Variants in RNF169 observed in about 807,000 individuals in gnomAD.
RNF169 encodes the protein E3 ubiquitin-protein ligase RNF169.
Under a neutral mutation model 53.9 loss-of-function variants are expected in RNF169, and 24 were observed. That is an observed-to-expected ratio of 0.45 (90% CI 0.32 to 0.63). The LOEUF is 0.63. Ranked by LOEUF, RNF169 falls within the 20% of genes least tolerant of loss-of-function variation. RNF169 has a pLI of 0.04. For synonymous variants in RNF169, 396 were observed against 363.5 expected (o/e 1.09, Z -1.02); for missense variants, 883 against 906.2 (o/e 0.97, Z 0.33).
At chr11:74,802,505 C>T (rs369188552) in intron 2 of RNF169, among the ~76,000 whole-genome samples, 4 of 151,994 alleles carry the variant, frequency 2.6e-5, no homozygotes, top group Non-Finnish European at 4.4e-5. Context: ...TAGCCAGGCG[C>T]GATGGTGCAC....
intron 1 of RNF169, among the ~76,000 whole-genome samples, chr11:74,757,231 A>G (rs1591385389): frequency 7.9e-6 from 1 of 126,988 alleles, no homozygotes; most frequent in East Asian, 2.3e-4. Context: ...CCCACCTATG[A>G]GTGAGAATAT....
At chr11:74,791,922 C>T (rs192482794) in intron 2 of RNF169, among the ~76,000 whole-genome samples, 2 of 152,378 alleles carry the variant, frequency 1.3e-5, no homozygotes, top group African/African-American at 4.8e-5. Flanking sequence ...GTGCCTTTCC[C>T]ACTGCAGCTG....
intron 1 of RNF169, among the ~76,000 whole-genome samples, chr11:74,788,484 C>G (rs760021234): frequency 1.5e-4 from 23 of 152,148 alleles, no homozygotes; most frequent in Admixed American, 6.5e-5. Context: ...CTTCTGCCTC[C>G]TGGGTTCAAG....
chr11:74,836,608 G>T lies in RNF169; in HGVS notation c.2005G>T (p.Asp669Tyr). The T allele has an allele frequency of 6.2e-7, 1 of 1,614,116 alleles. No individual in the cohort carries two copies. The highest frequency in any genetic ancestry group is 1.3e-5 in the African/African-American group (1 of 75,046). ...MEQKLQQEEE[D>Y]RQLALQLQRM... ...GCAGAAGCTTCAGCAAGAGGAAGAAGACCGACAGTTGGCTCTGCAGTTGCA... is the reference window on the plus strand; with the variant it reads ...GCAGAAGCTTCAGCAAGAGGAAGAATACCGACAGTTGGCTCTGCAGTTGCA... Residue 669 changes from aspartate to tyrosine, a missense_variant, in exon 6 of 6, where the codon GAC becomes TAC. Physicochemically the swap from Asp to Tyr is radical, Grantham distance 160 (BLOSUM62 -3). Around this residue, in one of 3 missense-constraint regions of RNF169, gnomAD observed 351 missense variants for 337.3 expected, o/e 1.04. Coordinates refer to ENST00000299563, the MANE Select transcript of RNF169 (RefSeq NM_001098638.2).
At chr11:74,810,945 A>G (rs1327957187) in intron 3 of RNF169, among the ~76,000 whole-genome samples, 1 of 152,144 alleles carries the variant, frequency 6.6e-6, no homozygotes, top group African/African-American at 2.4e-5. Flanking sequence ...ATTGAGTTTT[A>G]TTTCTTTAGT....
At chr11:74,778,705 G>A (rs551049571) in intron 1 of RNF169, among the ~76,000 whole-genome samples, 5 of 152,254 alleles carry the variant, frequency 3.3e-5, no homozygotes, top group East Asian at 1.9e-4. Flanking sequence ...TCTAACAACC[G>A]CCACCTGGCA....
chr11:74,766,555 T>A (rs1431233161), intron 1 of RNF169, among the ~76,000 whole-genome samples: 1 of 152,236 alleles, frequency 6.6e-6, no homozygotes, highest in Non-Finnish European at 1.5e-5. Context: ...CTCTTAGATG[T>A]TAAAAATATT....
In RNF169 at chr11:74,841,736, AT is replaced by A. The variant is rs1330268527; in HGVS notation, c.*5009del. On this transcript the variant is annotated 3_prime_UTR_variant, in exon 6 of 6. Coordinates refer to ENST00000299563, the MANE Select transcript of RNF169 (RefSeq NM_001098638.2). ...GGTTTGTTCATCTTCCTTTCCTGTC[AT>A]TTAAGGTAAAACAGGCAATGAACTC... 1 of 152,214 alleles carries A rather than the reference AT, an allele frequency of 6.6e-6. No homozygotes were observed. The highest frequency in any genetic ancestry group is 1.5e-5 in the Non-Finnish European group (1 of 68,044). 9.4% of individuals were successfully genotyped at this position (152,214 alleles called of 1,614,324 possible). A position where few individuals can be genotyped will look rare whatever the true frequency, so the allele number is the denominator to read the frequency against.
intron 1 of RNF169, among the ~76,000 whole-genome samples, chr11:74,765,858 A>G (rs770668843): frequency 1.3e-5 from 2 of 151,972 alleles, no homozygotes; most frequent in African/African-American, 4.8e-5. Context: ...CAAGTGGTCA[A>G]CTGAAGAAGT....
chr11:74,775,358 TTTTG>T (rs2035318278), intron 1 of RNF169, among the ~76,000 whole-genome samples: 1 of 152,190 alleles, frequency 6.6e-6, no homozygotes. Context: ...TTTTTCTTTT[TTTTG>T]TTCTAGTCAA....
chr11:74,827,329 C>T (rs2036113618), intron 4 of RNF169, among the ~76,000 whole-genome samples: 1 of 152,192 alleles, frequency 6.6e-6, no homozygotes, highest in Non-Finnish European at 1.5e-5. Flanking sequence ...GCAGCAAGGC[C>T]CTGGGCCCAG....
intron 2 of RNF169, 128 bp downstream of exon 2, chr11:74,789,827 A>T: frequency 1.9e-6 from 1 of 518,588 alleles, no homozygotes; most frequent in East Asian, 3.0e-5. Flanking sequence ...ACACTGCCTT[A>T]TACCAGCCTA....
At chr11:74,776,694 T>G (rs1351861504) in intron 1 of RNF169, among the ~76,000 whole-genome samples, 2 of 152,148 alleles carry the variant, frequency 1.3e-5, no homozygotes, top group Non-Finnish European at 2.9e-5. Context: ...GAAGCTAATG[T>G]AATTCTCTCT....
At chr11:74,832,418 G>T (rs1337585783) in intron 4 of RNF169, 3 of 151,488 alleles carry the variant, frequency 2.0e-5, no homozygotes, top group African/African-American at 7.3e-5. Flanking sequence ...ACAGGTAGTT[G>T]TCATTTGTGT....
intron 3 of RNF169, 117 bp downstream of exon 3, chr11:74,810,447 G>GTTAC: frequency 8.5e-6 from 8 of 940,474 alleles, no homozygotes; most frequent in Non-Finnish European, 1.3e-5. Context: ...GTCAGTGACT[G>GTTAC]TGCAGCTTAA....
At chr11:74,752,323 A>G (rs548028676) in intron 1 of RNF169, among the ~76,000 whole-genome samples, 4 of 148,906 alleles carry the variant, frequency 2.7e-5, no homozygotes, top group Non-Finnish European at 5.9e-5. Context: ...TGGGCTGGGC[A>G]TGGTGGCTCA....
At chr11:74,831,756 A>G (rs2036181819) in intron 4 of RNF169, 1 of 152,134 alleles carries the variant, frequency 6.6e-6, no homozygotes, top group Non-Finnish European at 1.5e-5. Flanking sequence ...AACTTACTGC[A>G]AAGTATAGCA....
chr11:74,836,865 C>T lies in RNF169; in HGVS notation c.*135C>T, dbSNP rs1565190267. On this transcript the variant is annotated 3_prime_UTR_variant, in exon 6 of 6. Transcript: ENST00000299563. Reference sequence around the variant, plus strand: ...ATATGGTTCTGAGAGGTTCCAGGGCCTTTGTAGTCAATATCCAAGGGAAAA... The same window carrying T: ...ATATGGTTCTGAGAGGTTCCAGGGCTTTTGTAGTCAATATCCAAGGGAAAA... 1 of 681,280 alleles carries T rather than the reference C, an allele frequency of 1.5e-6. No individual in the cohort carries two copies. Among genetic ancestry groups the T allele is most frequent in the Non-Finnish European group, 2.4e-6 (1 of 418,034 alleles). The allele number at this position is 681,280 out of a possible 1,614,324, so 42.2% of individuals were successfully genotyped here.
chr11:74,834,614 CT>C, intron 4 of RNF169, 61 bp from the exon 5 acceptor site: 9 of 1,203,844 alleles, frequency 7.5e-6, no homozygotes, highest in African/African-American at 1.5e-5. Flanking sequence ...TATTGTCATC[CT>C]TTTTCCTTAC....
Sources: allele counts gnomAD v4.1 joint callset (sites outside exome capture counted in the v4.1 genomes callset), GRCh38; gene constraint gnomAD v4.1.1; regional missense constraint gnomAD v4.1.1; transcripts MANE v1.5; gene names NCBI Gene and HGNC (gene_info 2026-07-23, HGNC 2026-07-21).